Variants in DPP6 observed in about 807,000 individuals in gnomAD.
DPP6 encodes dipeptidyl peptidase like 6, also known as A-type potassium channel modulatory protein DPP6.
Under a neutral mutation model 122.6 loss-of-function variants are expected in DPP6, and 69 were observed. The ratio of observed to expected loss-of-function variants is 0.56; its 90% confidence interval spans 0.46 to 0.69. The LOEUF (loss-of-function observed/expected upper bound fraction) is 0.69, where lower values mean the gene tolerates loss of function less well. Among genes scored for constraint, DPP6 ranks in the 30% least tolerant of loss-of-function variants. The probability of loss-of-function intolerance (pLI) is 0.00; values close to 1 mark genes in which losing one functional copy is unlikely to be tolerated. For synonymous variants in DPP6, 418 were observed against 433.1 expected (o/e 0.97, Z 0.43); for missense variants, 928 against 1,116.9 (o/e 0.83, Z 2.41).
intron 1 of DPP6, among the ~76,000 whole-genome samples, chr7:154,426,567 C>T (rs746915440): frequency 1.4e-4 from 22 of 152,016 alleles, no homozygotes; most frequent in Non-Finnish European, 2.4e-4. Context: ...CTCATTAGAA[C>T]GTTGTGATTG....
the DPP6 span, among the ~76,000 whole-genome samples, chr7:153,881,436 T>C: frequency 6.6e-6 from 1 of 152,206 alleles, no homozygotes; most frequent in East Asian, 1.9e-4. Context: ...TTGGACTTAA[T>C]AGTTTTGCAT....
At chr7:153,791,023 T>A in the DPP6 span, among the ~76,000 whole-genome samples, 1 of 152,202 alleles carries the variant, frequency 6.6e-6, no homozygotes, top group Non-Finnish European at 1.5e-5. Context: ...TGACTTTTCA[T>A]GATATAGTGG....
At chr7:154,783,212 G>T (rs531554391) in intron 10 of DPP6, among the ~76,000 whole-genome samples, 2 of 152,200 alleles carry the variant, frequency 1.3e-5, no homozygotes, top group South Asian at 4.1e-4. Context: ...CAAAGGCCTC[G>T]CATCCCCATA....
At position 154,575,420 on chromosome 7, in the gene DPP6, G is replaced by A. The variant is rs1311854600; in HGVS notation, c.627+8504G>A. 3.9e-5 allele frequency among the ~76,000 whole-genome samples: 5 copies of A among 128,504 alleles called. No individual in the cohort carries two copies. In the East Asian group the frequency reaches 2.1e-3, roughly 53 times the overall value. 84.3% of individuals were successfully genotyped at this position (128,504 alleles called of 152,430 possible). Reference sequence around the variant, plus strand: ...GTGTGTGTGTGGTGTTTGTGTATGTGTGTGTGGTGTGTATGTGTGTGGTGT... The same window carrying A: ...GTGTGTGTGTGGTGTTTGTGTATGTATGTGTGGTGTGTATGTGTGTGGTGT... On this transcript the variant is annotated intron_variant, in intron 5 of 25. Transcript: ENST00000377770.
chr7:154,844,601 A>G (rs1477967190), intron 16 of DPP6, among the ~76,000 whole-genome samples: 1 of 152,210 alleles, frequency 6.6e-6, no homozygotes, highest in Non-Finnish European at 1.5e-5. Flanking sequence ...AGAAACCTTG[A>G]GGCCTGTGGT....
rs984477220 is a variant in DPP6, at chr7:154,381,955, C to T, written c.244-64259C>T. On this transcript the variant is annotated intron_variant, in intron 1 of 25. Coordinates refer to ENST00000377770, the MANE Select transcript of DPP6 (RefSeq NM_130797.4). ...GGGGTCATGGGATGACACAGAGAGG[C>T]CCTGTGCTGCAGGTAAATCTGGAGG... Among the ~76,000 whole-genome samples, 3 of 152,132 alleles carry T rather than the reference C, an allele frequency of 2.0e-5. No individual in the cohort carries two copies. The South Asian group carries it at 6.2e-4, about 32-fold the overall frequency.
At chr7:154,304,267 T>C (rs1339818715) in intron 1 of DPP6, among the ~76,000 whole-genome samples, 2 of 152,232 alleles carry the variant, frequency 1.3e-5, no homozygotes, top group African/African-American at 4.8e-5. Flanking sequence ...CTCTGGGCAC[T>C]GAGTTCTGAG....
At chr7:154,346,241 G>A (rs145791981) in intron 1 of DPP6, among the ~76,000 whole-genome samples, 93 of 152,238 alleles carry the variant, frequency 6.1e-4, no homozygotes, top group Middle Eastern at 3.4e-3. Context: ...ATACTGGGAG[G>A]AAACAAAACT....
chr7:154,587,793 G>T, intron 5 of DPP6: 4 of 1,612,088 alleles, frequency 2.5e-6, no homozygotes, highest in Non-Finnish European at 3.4e-6. Flanking sequence ...TTCACTGCCT[G>T]CGTGACTATG....
intron 1 of DPP6, among the ~76,000 whole-genome samples, chr7:154,392,410 TAAG>T (rs1296180176): frequency 2.6e-5 from 4 of 152,322 alleles, no homozygotes; most frequent in Admixed American, 6.5e-5. Context: ...AAACCCACTT[TAAG>T]AAGAAGTACA....
chr7:153,894,136 G>A (rs1473147064), intron 1 of DPP6, among the ~76,000 whole-genome samples: 1 of 152,182 alleles, frequency 6.6e-6, no homozygotes, highest in South Asian at 2.1e-4. Context: ...ACTTCTTGGG[G>A]ACTGCCCTGT....
rs540609804 is a variant in DPP6, at chr7:154,606,625, G to T, written c.628-31196G>T. On this transcript the variant is annotated intron_variant, in intron 5 of 25. Coordinates refer to ENST00000377770, the MANE Select transcript of DPP6 (RefSeq NM_130797.4). ...TTAGTATGATTACAGTTGAATAACA[G>T]GTTTGAACTGTGCAAGTCCACTGAT... is the stretch of plus-strand genomic sequence containing the variant. Among the ~76,000 whole-genome samples, 5 of 120,646 alleles carry T rather than the reference G, an allele frequency of 4.1e-5. 1 individual carries two copies. Among genetic ancestry groups the T allele is most frequent in the African/African-American group, 1.3e-4 (5 of 37,992 alleles). 79.1% of individuals were successfully genotyped at this position (120,646 alleles called of 152,430 possible). A position where few individuals can be genotyped will look rare whatever the true frequency, so the allele number is the denominator to read the frequency against.
intron 1 of DPP6, among the ~76,000 whole-genome samples, chr7:154,036,038 GTGTGTGTGTA>G (rs1799509807): frequency 6.6e-6 from 1 of 150,660 alleles, no homozygotes; most frequent in South Asian, 2.1e-4. Flanking sequence ...GTGTGTGTGT[GTGTGTGTGTA>G]TGTGAAAATA....
chr7:154,049,316 G>GTGTT (rs1800176317), upstream of DPP6, among the ~76,000 whole-genome samples: 1 of 139,010 alleles, frequency 7.2e-6, no homozygotes, highest in African/African-American at 2.8e-5. Flanking sequence ...GTGTGTGTGT[G>GTGTT]TGTGTGTGTG....
chr7:154,174,335 C>T (rs1022214359), intron 1 of DPP6, among the ~76,000 whole-genome samples: 4 of 152,206 alleles, frequency 2.6e-5, no homozygotes, highest in Admixed American at 2.0e-4. Context: ...TTATTTTTAT[C>T]TTGGTTAAAA....
At chr7:154,156,194 A>C (rs1195522308) in intron 1 of DPP6, among the ~76,000 whole-genome samples, 3 of 152,270 alleles carry the variant, frequency 2.0e-5, no homozygotes, top group Admixed American at 2.0e-4. Context: ...ATAGGCACCA[A>C]TCCCAGGAGA....
At chr7:154,514,554 C>G (rs1205054441) in intron 3 of DPP6, among the ~76,000 whole-genome samples, 6 of 152,156 alleles carry the variant, frequency 3.9e-5, no homozygotes, top group African/African-American at 1.4e-4. Context: ...TCCCCATTCC[C>G]CCAGCCCCTG....
At chr7:153,788,531 C>T in the DPP6 span, among the ~76,000 whole-genome samples, 1 of 152,224 alleles carries the variant, frequency 6.6e-6, no homozygotes, top group Non-Finnish European at 1.5e-5. Flanking sequence ...GATGGCATCT[C>T]ACAGTCCACA....
the DPP6 span, among the ~76,000 whole-genome samples, chr7:153,842,176 T>C: frequency 6.6e-6 from 1 of 152,210 alleles, no homozygotes; most frequent in Non-Finnish European, 1.5e-5. Flanking sequence ...TCCAGAAAGG[T>C]TATGCAAGTG....
Sources: gnomAD v4.1 joint callset for allele counts (sites outside exome capture counted in the v4.1 genomes callset) on GRCh38, gnomAD v4.1.1 for gene constraint, MANE v1.5 for transcripts, NCBI Gene and HGNC (gene_info 2026-07-23, HGNC 2026-07-21) for gene names.